Variants in AGBL1 observed in about 807,000 individuals in gnomAD.
AGBL1 encodes the protein cytosolic carboxypeptidase 4.
In AGBL1, 130 loss-of-function variants were observed where a neutral mutation model predicts 118.9. The ratio of observed to expected loss-of-function variants is 1.09; its 90% CI spans 0.95 to 1.26. The LOEUF (loss-of-function observed/expected upper bound fraction) is 1.26, where lower values mean the gene tolerates loss of function less well. Ranked by LOEUF, AGBL1 falls within the 50% of genes most tolerant of loss-of-function variation. The probability of loss-of-function intolerance (pLI) is 0.00; values close to 1 mark genes in which losing one functional copy is unlikely to be tolerated. For synonymous variants in AGBL1, 555 were observed against 478.9 expected (o/e 1.16, Z -2.08); for missense variants, 1,584 against 1,298.1 (o/e 1.22, Z -3.38).
intron 22 of AGBL1, among the ~76,000 whole-genome samples, chr15:86,863,639 T>C (rs2079588203): frequency 6.6e-6 from 1 of 152,146 alleles, no homozygotes. Flanking sequence ...TATTGGGAAG[T>C]GTTCCTATTG....
rs201068749 is a variant in AGBL1 at position 86,102,041 on chromosome 15, T to TC, written c.51+22018_51+22019insC. 3.2e-3 allele frequency among the ~76,000 whole-genome samples: 440 copies of TC among 137,362 alleles called. 4 individuals are homozygous for TC. Among genetic ancestry groups the TC allele is most frequent in the Non-Finnish European group, 3.4e-3 (221 of 64,392 alleles). The allele number at this position is 137,362 out of a possible 152,430, so 90.1% of individuals were successfully genotyped here. A position where few individuals can be genotyped will look rare whatever the true frequency, so the allele number is the denominator to read the frequency against. The stretch of plus-strand genomic sequence containing the variant: ...TTTGAATCCTTTCTCTCTCTCTCTC[T>TC]TTTTTTTTTTTTTAATTGAGATGGA... On this transcript the variant is annotated intron_variant, in intron 1 of 22. Coordinates refer to ENST00000614907, the MANE Select transcript of AGBL1 (RefSeq NM_001386094.1).
At chr15:86,896,599 T>C (rs2080131597) in intron 22 of AGBL1, among the ~76,000 whole-genome samples, 2 of 152,152 alleles carry the variant, frequency 1.3e-5, no homozygotes, top group South Asian at 4.1e-4. Flanking sequence ...TTGCTAACAT[T>C]ACTTTCCCAT....
intron 21 of AGBL1, chr15:86,630,445 G>A (rs1357860752): frequency 6.6e-6 from 1 of 152,246 alleles, no homozygotes; most frequent in East Asian, 1.9e-4. Context: ...CCACACTTAC[G>A]GGAGGGCAAT....
chr15:86,906,602 C>A (rs925440019), intron 22 of AGBL1, among the ~76,000 whole-genome samples: 5 of 152,122 alleles, frequency 3.3e-5, no homozygotes, highest in South Asian at 2.1e-4. Flanking sequence ...TTCTGTCTAC[C>A]TGCATTCCAA....
At chr15:86,262,643 G>A (rs2079011254) in intron 9 of AGBL1, 135 bp from the exon 10 acceptor site, 1 of 706,378 alleles carries the variant, frequency 1.4e-6, no homozygotes, top group Non-Finnish European at 2.6e-6. Context: ...TTCTTCACTG[G>A]ATGGGCCAGT....
intron 18 of AGBL1, among the ~76,000 whole-genome samples, chr15:86,501,183 A>G (rs530029020): frequency 6.6e-6 from 1 of 151,670 alleles, no homozygotes; most frequent in African/African-American, 2.4e-5. Flanking sequence ...GTCATTTTCT[A>G]TATTTTAGCC....
intron 21 of AGBL1, among the ~76,000 whole-genome samples, chr15:86,561,117 C>T (rs530196546): frequency 2.6e-5 from 4 of 152,284 alleles, no homozygotes; most frequent in East Asian, 1.9e-4. Context: ...GTTTCTTTTG[C>T]TGTGCAGAAG....
At chr15:86,762,640 A>G (rs914825274) in intron 22 of AGBL1, among the ~76,000 whole-genome samples, 2 of 152,014 alleles carry the variant, frequency 1.3e-5, no homozygotes, top group Admixed American at 6.6e-5. Flanking sequence ...TGGAGAAGGC[A>G]TAGGAAATGG....
In AGBL1 at chr15:86,282,648, A is replaced by G. The variant is rs144299146; in HGVS notation, c.2220+2865A>G. Among the ~76,000 whole-genome samples the G allele has an allele frequency of 6.2e-3, 940 of 152,300 alleles. 7 individuals are homozygous for G. Among genetic ancestry groups the G allele is most frequent in the Non-Finnish European group, 9.4e-3 (637 of 68,020 alleles). Reference sequence around the variant, plus strand: ...CTTCTCTTAAAAAAAACTTCCTCCCATCATGGACAAAATGAGTACATTCTG... The same window carrying G: ...CTTCTCTTAAAAAAAACTTCCTCCCGTCATGGACAAAATGAGTACATTCTG... On this transcript the variant is annotated intron_variant, in intron 16 of 22. Coordinates refer to ENST00000614907, the MANE Select transcript of AGBL1 (RefSeq NM_001386094.1).
intron 21 of AGBL1, among the ~76,000 whole-genome samples, chr15:86,589,795 T>C (rs187061469): frequency 0.011 from 1,650 of 152,236 alleles, 14 homozygotes; most frequent in Middle Eastern, 0.017. Context: ...ATCTATCATT[T>C]CTCTATCTGT....
intron 21 of AGBL1, among the ~76,000 whole-genome samples, chr15:86,667,250 G>GTATC (rs1234942843): frequency 7.2e-6 from 1 of 138,152 alleles, no homozygotes; most frequent in African/African-American, 3.1e-5. Flanking sequence ...ATGTATGTAT[G>GTATC]TATGTATCTA....
intron 22 of AGBL1, among the ~76,000 whole-genome samples, chr15:86,752,878 G>C (rs2077876283): frequency 6.6e-6 from 1 of 152,040 alleles, no homozygotes; most frequent in South Asian, 2.1e-4. Context: ...TTGATTAGAT[G>C]AGGGACATTA....
downstream of AGBL1, among the ~76,000 whole-genome samples, chr15:87,029,331 A>G (rs1157569552): frequency 6.6e-6 from 1 of 151,884 alleles, no homozygotes; most frequent in Non-Finnish European, 1.5e-5. Context: ...ACTTTCTGGA[A>G]CATCCATCAA....
At chr15:86,437,605 C>T in intron 18 of AGBL1, among the ~76,000 whole-genome samples, 1 of 152,184 alleles carries the variant, frequency 6.6e-6, no homozygotes, top group East Asian at 1.9e-4. Context: ...CCAGCTAATC[C>T]TAATCCTGGT....
chr15:87,011,073 C>G (rs1490262387), intron 24 of AGBL1, among the ~76,000 whole-genome samples: 2 of 152,198 alleles, frequency 1.3e-5, no homozygotes, highest in African/African-American at 2.4e-5. Context: ...ATGAGTGAGA[C>G]CATGTCAGCA....
In AGBL1 at chr15:86,270,417, G is replaced by C. The variant is rs140380628; in HGVS notation, c.1987+350G>C. ...CCTGCTTTTTTTCCTGCAAGGTAGA[G>C]GAACAACAAAATCCAATTGGACAAC... On this transcript the variant is annotated intron_variant, in intron 14 of 22. Transcript: ENST00000614907. Among the ~76,000 whole-genome samples, 310 of 152,284 alleles carry C rather than the reference G, an allele frequency of 2.0e-3. 3 individuals are homozygous for C. Among genetic ancestry groups the C allele is most frequent in the African/African-American group, 7.2e-3 (298 of 41,568 alleles).
At chr15:86,160,450 T>A (rs576113245) in intron 5 of AGBL1, among the ~76,000 whole-genome samples, 2 of 152,344 alleles carry the variant, frequency 1.3e-5, no homozygotes, top group East Asian at 3.9e-4. Flanking sequence ...CTGGGGTACA[T>A]CTGAGTTCTA....
intron 18 of AGBL1, among the ~76,000 whole-genome samples, chr15:86,458,233 C>A (rs1005884351): frequency 6.6e-6 from 1 of 151,622 alleles, no homozygotes; most frequent in Non-Finnish European, 1.5e-5. Flanking sequence ...AAATAAAAAT[C>A]AAAATTTTAA....
chr15:86,824,445 TAAGC>T (rs2078980530), intron 22 of AGBL1, among the ~76,000 whole-genome samples: 2 of 152,102 alleles, frequency 1.3e-5, no homozygotes, highest in Admixed American at 6.6e-5. Flanking sequence ...AAAATCTAAG[TAAGC>T]AGAGAGACAT....
Sources: gnomAD v4.1 joint callset for allele counts (sites outside exome capture counted in the v4.1 genomes callset) on GRCh38, gnomAD v4.1.1 for gene constraint, MANE v1.5 for transcripts, NCBI Gene and HGNC (gene_info 2026-07-23, HGNC 2026-07-21) for gene names.